Variants in TG observed in about 807,000 individuals in gnomAD.
TG encodes the protein thyroglobulin, also known as thyroid hormones.
TG carries 270 observed loss-of-function variants against 324.7 expected under a neutral mutation model. That is an observed-to-expected ratio of 0.83 (90% CI 0.75 to 0.92). The LOEUF is 0.92. Among genes scored for constraint, TG ranks in the 40% least tolerant of loss-of-function variants. The pLI is 0.00. For synonymous variants in TG, 1,401 were observed against 1,327.0 expected, an observed-to-expected ratio of 1.06 and a Z score of -1.21; for missense variants, 3,591 against 3,456.4, an observed-to-expected ratio of 1.04 and a Z score of -0.98.
chr8:132,917,889 A>ATATTTTTTTTTTT (rs528246451), intron 20 of TG, among the ~76,000 whole-genome samples: 3 of 138,766 alleles, frequency 2.2e-5, no homozygotes, highest in Non-Finnish European at 3.1e-5. Flanking sequence ...GGTTTTTGCA[A>ATATTTTTTTTTTT]TTTTTTTTTT....
chr8:132,870,763 A>T (rs1839412623), intron 3 of TG, among the ~76,000 whole-genome samples: 1 of 151,952 alleles, frequency 6.6e-6, no homozygotes, highest in South Asian at 2.1e-4. Flanking sequence ...AGATCATGTG[A>T]GAGAGAAAGC....
chr8:133,016,665 T>A (rs2130912496), intron 37 of TG, among the ~76,000 whole-genome samples: 1 of 152,294 alleles, frequency 6.6e-6, no homozygotes, highest in South Asian at 2.1e-4. Context: ...GTGTCAGAAA[T>A]AAGAGACTTC....
intron 41 of TG, among the ~76,000 whole-genome samples, chr8:133,085,464 G>T (rs1222098594): frequency 2.0e-5 from 3 of 152,006 alleles, no homozygotes; most frequent in African/African-American, 7.3e-5. Flanking sequence ...ATCTAATAAG[G>T]GACTTGTACC....
At chr8:133,019,528 C>T (rs1157883631) in intron 38 of TG, 74 bp from the exon 39 acceptor site, 1 of 1,309,914 alleles carries the variant, frequency 7.6e-7, no homozygotes. Flanking sequence ...GGGTAGTGGG[C>T]TCTGACCATG....
rs757735980 is a variant in TG at position 132,901,520 on chromosome 8, A to T, written c.3601A>T (p.Thr1201Ser). The change falls in exon 16 of 48, where the codon ACG becomes TCG. Residue 1201 changes from threonine to serine, a missense_variant. By Grantham distance (58) the Thr-to-Ser change is moderately conservative (BLOSUM62 1). Transcript: ENST00000220616. Reference protein sequence around the residue: ...VMDSGEEVPGTRVTGGQPACE... With the variant: ...VMDSGEEVPGSRVTGGQPACE... Reference sequence around the variant, plus strand: ...GGACAGCGGAGAAGAGGTGCCTGGGACGCGCGTGACCGGGGGCCAGCCCGC... The same window carrying T: ...GGACAGCGGAGAAGAGGTGCCTGGGTCGCGCGTGACCGGGGGCCAGCCCGC... 6.2e-7 allele frequency: 1 copy of T among 1,613,756 alleles called. No individual in the cohort carries two copies.
chr8:132,987,258 A>G (rs931767052), intron 35 of TG, among the ~76,000 whole-genome samples: 2 of 152,184 alleles, frequency 1.3e-5, no homozygotes, highest in Admixed American at 6.5e-5. Flanking sequence ...TAGAACTAAG[A>G]ATTTTGGCAT....
intron 26 of TG, among the ~76,000 whole-genome samples, chr8:132,947,386 A>G (rs1825471409): frequency 6.6e-6 from 1 of 152,192 alleles, no homozygotes; most frequent in Non-Finnish European, 1.5e-5. Context: ...AAACCACCAT[A>G]TGAGATGACC....
intron 41 of TG, among the ~76,000 whole-genome samples, chr8:133,093,900 G>A (rs1847985192): frequency 6.6e-6 from 1 of 152,182 alleles, no homozygotes; most frequent in Non-Finnish European, 1.5e-5. Flanking sequence ...CTGATGAGCT[G>A]AAATAGGGAA....
chr8:133,124,538 A>C (rs73708879), intron 45 of TG, among the ~76,000 whole-genome samples: 7,613 of 152,260 alleles, frequency 0.05, 630 homozygotes, highest in African/African-American at 0.18. Context: ...GCATTTAAAC[A>C]AAACCCTTTA....
chr8:132,994,695 G>A (rs765698478), intron 35 of TG: 117 of 1,288,182 alleles, frequency 9.1e-5, no homozygotes, highest in Non-Finnish European at 1.1e-4. Flanking sequence ...TATTACAGAA[G>A]CATCTACCTC....
chr8:132,957,271 C>G (rs1411424222), intron 27 of TG, among the ~76,000 whole-genome samples: 1 of 152,082 alleles, frequency 6.6e-6, no homozygotes, highest in Non-Finnish European at 1.5e-5. Context: ...TAGTTGAATT[C>G]CATTGGATTA....
At position 132,937,851 on chromosome 8, in the gene TG, A is replaced by G. The variant is rs1823834229; in HGVS notation, c.5041+1987A>G. ...TCCTGAAAGTTTGTACTTTGGGGGA[A>G]AGTTACAAAGGAAATTGGGAAAATT... On this transcript the variant is annotated intron_variant, in intron 25 of 47. Transcript: ENST00000220616. 2.6e-5 allele frequency among the ~76,000 whole-genome samples: 4 copies of G among 152,118 alleles called. No homozygotes were observed. The South Asian group carries it at 8.3e-4, about 32-fold the overall frequency.
chr8:133,118,092 T>C (rs1372841690), intron 45 of TG, among the ~76,000 whole-genome samples: 1 of 152,132 alleles, frequency 6.6e-6, no homozygotes, highest in Non-Finnish European at 1.5e-5. Context: ...GCCCCTAAAG[T>C]AGGCTGAATA....
In TG at chr8:133,060,119, C is replaced by A. The variant is rs1026405807; in HGVS notation, c.7239+30096C>A. The A allele has an allele frequency of 7.5e-6, 12 of 1,607,168 alleles. No homozygotes were observed. The East Asian group carries it at 1.8e-4, about 24-fold the overall frequency. The stretch of plus-strand genomic sequence containing the variant: ...ACTTACCCTCCGGGTTGGGCAGGGG[C>A]CTCTCGGCAGGCGCAGGGGTGGATT... On this transcript the variant is annotated intron_variant, in intron 41 of 47. Coordinates refer to ENST00000220616, the MANE Select transcript of TG (RefSeq NM_003235.5).
chr8:132,896,067 AGCGTG>A (rs1817050985), intron 11 of TG, among the ~76,000 whole-genome samples: 1 of 152,232 alleles, frequency 6.6e-6, no homozygotes, highest in African/African-American at 2.4e-5. Flanking sequence ...GGGCCTAATG[AGCGTG>A]GCGAAGGCCA....
At chr8:132,876,760 C>T (rs769146666) in intron 5 of TG, among the ~76,000 whole-genome samples, 6 of 152,314 alleles carry the variant, frequency 3.9e-5, no homozygotes, top group Non-Finnish European at 8.8e-5. Context: ...ACTGTGGACA[C>T]ACATTCTGAC....
intron 26 of TG, among the ~76,000 whole-genome samples, chr8:132,946,000 G>A (rs1219939160): frequency 6.6e-6 from 1 of 151,538 alleles, no homozygotes; most frequent in Admixed American, 6.6e-5. Flanking sequence ...ATTATGTGAT[G>A]TGGATTCCTG....
intron 39 of TG, among the ~76,000 whole-genome samples, chr8:133,020,276 G>T (rs540693924): frequency 2.3e-4 from 35 of 152,324 alleles, no homozygotes; most frequent in African/African-American, 8.4e-4. Flanking sequence ...GCCCCATCCT[G>T]ACCTTGGAGG....
intron 35 of TG, among the ~76,000 whole-genome samples, chr8:132,990,915 G>GTTTT (rs35213262): frequency 6.6e-5 from 9 of 136,098 alleles, no homozygotes; most frequent in Non-Finnish European, 4.7e-5. Context: ...AGGAAGGCCA[G>GTTTT]TTTTTTTTTT....
Sources: allele counts gnomAD v4.1 joint callset (sites outside exome capture counted in the v4.1 genomes callset), GRCh38; gene constraint gnomAD v4.1.1; transcripts MANE v1.5; gene names NCBI Gene and HGNC (gene_info 2026-07-23, HGNC 2026-07-21).